The following F13A1 variants were observed in gnomAD, a reference collection of about 807,000 sequenced individuals.
F13A1 encodes the protein FSF, A subunit.
A neutral mutation model predicts 80.1 loss-of-function variants in F13A1; 47 were observed. That is an observed-to-expected ratio of 0.59 (90% CI 0.46 to 0.75). F13A1 has a LOEUF of 0.75. F13A1 is among the 30% of genes least tolerant of loss of function. The probability of loss-of-function intolerance (pLI) is 0.00; values close to 1 mark genes in which losing one functional copy is unlikely to be tolerated. For missense variants in F13A1, 817 were observed against 930.4 expected, an observed-to-expected ratio of 0.88 and a Z score of 1.59; for synonymous variants, 349 against 344.9, an observed-to-expected ratio of 1.01 and a Z score of -0.13.
chr6:6,270,124 C>G (rs1010248847), intron 3 of F13A1, among the ~76,000 whole-genome samples: 1 of 152,192 alleles, frequency 6.6e-6, no homozygotes, highest in African/African-American at 2.4e-5. Flanking sequence ...GTAGTTGTGA[C>G]AGAGTCCCTA....
chr6:6,250,522 T>C lies in F13A1; in HGVS notation c.690+289A>G, dbSNP rs146131998. Among the ~76,000 whole-genome samples the C allele has an allele frequency of 6.6e-6, 1 of 152,322 alleles. No homozygotes were observed. The highest frequency in any genetic ancestry group is 1.9e-4 in the East Asian group (1 of 5,188). ...ATAAGCCAGGTTGAACTAATGAGAT[T>C]TCACTGTTCTAAGTGGCCAAAGCAT... is the stretch of plus-strand genomic sequence containing the variant. On this transcript the variant is annotated intron_variant, in intron 5 of 14. Transcript: ENST00000264870. This position sits in a 1 kb window ranked among gnomAD's most constrained non-coding sequence, Gnocchi z 4.2.
chr6:6,192,844 G>A (rs1363552224), intron 10 of F13A1, among the ~76,000 whole-genome samples: 1 of 152,192 alleles, frequency 6.6e-6, no homozygotes, highest in East Asian at 1.9e-4. Context: ...TTGGGGTGGA[G>A]TGGTGTGAAA....
intron 3 of F13A1, among the ~76,000 whole-genome samples, chr6:6,272,035 A>T (rs1757928441): frequency 1.3e-5 from 2 of 152,234 alleles, no homozygotes; most frequent in African/African-American, 4.8e-5. Flanking sequence ...TTCACAAGAT[A>T]GGAAAGAGAA....
chr6:6,165,596 C>G (rs567236867), intron 13 of F13A1, among the ~76,000 whole-genome samples: 6 of 152,130 alleles, frequency 3.9e-5, no homozygotes, highest in Non-Finnish European at 8.8e-5. Context: ...ATGAAACCTG[C>G]GCAATAGCCC....
chr6:6,311,029 A>G (rs1758582521), intron 2 of F13A1, among the ~76,000 whole-genome samples: 1 of 139,274 alleles, frequency 7.2e-6, no homozygotes, highest in South Asian at 2.4e-4. Flanking sequence ...ATTCGCAGGA[A>G]ACATCTGTCT....
At chr6:6,283,501 A>G (rs1270366477) in intron 3 of F13A1, among the ~76,000 whole-genome samples, 2 of 152,224 alleles carry the variant, frequency 1.3e-5, no homozygotes, top group Admixed American at 1.3e-4. Context: ...ATGACGAGAC[A>G]TCAGATTGAC....
At chr6:6,300,861 A>G (rs1758419233) in intron 3 of F13A1, among the ~76,000 whole-genome samples, 1 of 151,734 alleles carries the variant, frequency 6.6e-6, no homozygotes, top group Non-Finnish European at 1.5e-5. Context: ...TTCACTTTTA[A>G]TAGTAAATGA....
In F13A1 at chr6:6,318,556, G is replaced by A. The variant is rs1457742972; in HGVS notation, c.109C>T (p.Pro37Ser). The stretch of plus-strand genomic sequence containing the variant: ...ATACCTTGCAGGTTGACGCCCCGGG[G>A]CACCACGCCCTGAAGCTCCACTGTG... ...LPTVELQGVV[P>S]RGVNLQEFLN... is the part of the protein sequence containing the mutation. The change falls in exon 2 of 15, where the codon CCC becomes TCC. Residue 37 changes from proline (P) to serine (S), a missense_variant. Pro to Ser is a moderately conservative substitution (Grantham distance 74). Coordinates refer to ENST00000264870, the MANE Select transcript of F13A1 (RefSeq NM_000129.4). The A allele has an allele frequency of 1.2e-6, 2 of 1,613,568 alleles. No individual in the cohort carries two copies. The highest frequency in any genetic ancestry group is 1.7e-6 in the Non-Finnish European group (2 of 1,179,780).
intron 4 of F13A1, among the ~76,000 whole-genome samples, chr6:6,251,563 C>T (rs993147397): frequency 7.2e-5 from 11 of 152,236 alleles, no homozygotes; most frequent in East Asian, 5.8e-4. Flanking sequence ...TCATCCTCCC[C>T]GTCTATCATC....
At chr6:6,272,909 C>T (rs1757941745) in intron 3 of F13A1, among the ~76,000 whole-genome samples, 1 of 152,218 alleles carries the variant, frequency 6.6e-6, no homozygotes, top group African/African-American at 2.4e-5. Context: ...TCATCCTACC[C>T]ACACAAAAGC....
chr6:6,182,937 G>T (rs1343350631), intron 10 of F13A1, among the ~76,000 whole-genome samples: 1 of 152,128 alleles, frequency 6.6e-6, no homozygotes, highest in Non-Finnish European at 1.5e-5. Flanking sequence ...ATTTTCTATT[G>T]GTTCAGCAAC....
chr6:6,237,465 T>A (rs1395926603), intron 6 of F13A1, among the ~76,000 whole-genome samples: 2 of 152,176 alleles, frequency 1.3e-5, no homozygotes, highest in Non-Finnish European at 2.9e-5. Context: ...CTACCATGTC[T>A]TTGGTTTTTC....
At chr6:6,199,765 C>T (rs972002858) in intron 8 of F13A1, among the ~76,000 whole-genome samples, 6 of 152,208 alleles carry the variant, frequency 3.9e-5, no homozygotes, top group African/African-American at 1.4e-4. Context: ...AATCTCTGTT[C>T]GTGGAAGATG....
chr6:6,255,075 C>A (rs547543809), intron 4 of F13A1, among the ~76,000 whole-genome samples: 18 of 152,110 alleles, frequency 1.2e-4, no homozygotes, highest in Admixed American at 1.3e-4. Flanking sequence ...CTCCCTGAAC[C>A]CTTTCCTTTC....
At chr6:6,186,082 T>C (rs1761076153) in intron 10 of F13A1, among the ~76,000 whole-genome samples, 1 of 151,304 alleles carries the variant, frequency 6.6e-6, no homozygotes, top group African/African-American at 2.4e-5. Context: ...TGTTTTTTTC[T>C]TGTAAATTTG....
At chr6:6,236,604 G>A (rs1757417448) in intron 6 of F13A1, among the ~76,000 whole-genome samples, 1 of 151,784 alleles carries the variant, frequency 6.6e-6, no homozygotes, top group African/African-American at 2.4e-5. Flanking sequence ...AATATGCAAG[G>A]GTACTTTTCT....
chr6:6,281,010 G>C (rs1758053183), intron 3 of F13A1, among the ~76,000 whole-genome samples: 1 of 152,038 alleles, frequency 6.6e-6, no homozygotes, highest in Non-Finnish European at 1.5e-5. Context: ...GACTCAGCTG[G>C]GCCAGCCTTC....
intron 8 of F13A1, chr6:6,206,736 C>G: frequency 2.7e-6 from 1 of 364,562 alleles, no homozygotes; most frequent in Non-Finnish European, 5.6e-6. Context: ...TGGCTTTCTA[C>G]ATACATAATT....
intron 8 of F13A1, among the ~76,000 whole-genome samples, chr6:6,198,283 G>A (rs992355048): frequency 1.3e-5 from 2 of 152,132 alleles, no homozygotes; most frequent in African/African-American, 4.8e-5. Flanking sequence ...GGAATAAAAT[G>A]CCATCATGAA....
Sources: allele counts gnomAD v4.1 joint callset (sites outside exome capture counted in the v4.1 genomes callset), GRCh38; gene constraint gnomAD v4.1.1; non-coding constraint Gnocchi (gnomAD v3.1); transcripts MANE v1.5; gene names NCBI Gene and HGNC (gene_info 2026-07-23, HGNC 2026-07-21).